ADCY9: variants seen among roughly 807,000 people sequenced by gnomAD.
ADCY9 encodes adenylate cyclase type 9.
A neutral mutation model predicts 101.5 loss-of-function variants in ADCY9; 50 were observed. The observed-to-expected ratio is 0.49, with a 90% CI of 0.39 to 0.62. The LOEUF is 0.62. ADCY9 is among the 20% of genes least tolerant of loss of function. The probability of loss-of-function intolerance (pLI) is 0.00; values close to 1 mark genes in which losing one functional copy is unlikely to be tolerated. For missense variants in ADCY9, 1,662 were observed against 1,800.4 expected, an observed-to-expected ratio of 0.92 and a Z score of 1.39; for synonymous variants, 905 against 769.3, an observed-to-expected ratio of 1.18 and a Z score of -2.92.
chr16:4,115,716 G>T lies in ADCY9; in HGVS notation c.-70C>A, dbSNP rs1201133191. Reference sequence around the variant, plus strand: ...TAGAACGCCCGGGGGTCCCCGCCGCGTGGCCGCCGTGGCTCCGGGACCGCT... The same window carrying T: ...TAGAACGCCCGGGGGTCCCCGCCGCTTGGCCGCCGTGGCTCCGGGACCGCT... On this transcript the variant is annotated 5_prime_UTR_variant, in exon 1 of 11. Coordinates refer to ENST00000294016, the MANE Select transcript of ADCY9 (RefSeq NM_001116.4). The surrounding 1 kb of genome is among the most constrained non-coding windows in gnomAD (Gnocchi z 6.2). The T allele has an allele frequency of 4.8e-6, 2 of 420,736 alleles. No homozygotes were observed. Among genetic ancestry groups the T allele is most frequent in the Non-Finnish European group, 8.3e-6 (2 of 239,932 alleles). 26.1% of individuals were successfully genotyped at this position (420,736 alleles called of 1,614,324 possible).
chr16:4,064,288 AG>A (rs1409705402), intron 2 of ADCY9, among the ~76,000 whole-genome samples: 3 of 152,238 alleles, frequency 2.0e-5, no homozygotes, highest in Admixed American at 2.0e-4. Context: ...TGAAGGACTC[AG>A]TATTGTTAAG....
chr16:4,014,386 G>C (rs920053622), intron 2 of ADCY9, among the ~76,000 whole-genome samples: 1 of 151,420 alleles, frequency 6.6e-6, no homozygotes, highest in Non-Finnish European at 1.5e-5. Context: ...GGAAGAAAGT[G>C]AAAGAAACAA....
At position 3,992,905 on chromosome 16, in the gene ADCY9, C is replaced by A. The variant is rs2056256960; in HGVS notation, c.1989+501G>T. On this transcript the variant is annotated intron_variant, in intron 4 of 10. Transcript: ENST00000294016. The surrounding 1 kb of genome is among the most constrained non-coding windows in gnomAD (Gnocchi z 4.2). ...CAGATGGAGGACGAGAGCCCGCGCC[C>A]CAGGTGAGTCGCCTGCATGAGCCCC... is the stretch of plus-strand genomic sequence containing the variant. Among the ~76,000 whole-genome samples the A allele has an allele frequency of 6.6e-6, 1 of 152,098 alleles. No homozygotes were observed. Among genetic ancestry groups the A allele is most frequent in the Non-Finnish European group, 1.5e-5 (1 of 68,018 alleles).
chr16:4,071,354 A>T (rs140342805), intron 2 of ADCY9, among the ~76,000 whole-genome samples: 16 of 103,198 alleles, frequency 1.6e-4, no homozygotes, highest in African/African-American at 4.8e-4. Flanking sequence ...AAAAAAAAAA[A>T]AAAAAAAAAA....
intron 2 of ADCY9, among the ~76,000 whole-genome samples, chr16:4,058,620 C>G (rs1394503711): frequency 6.6e-6 from 1 of 152,134 alleles, no homozygotes; most frequent in African/African-American, 2.4e-5. Flanking sequence ...GGGGAAGTGA[C>G]TGATCCACTA....
chr16:4,070,934 G>C (rs1305864690), intron 2 of ADCY9, among the ~76,000 whole-genome samples: 1 of 152,072 alleles, frequency 6.6e-6, no homozygotes, highest in African/African-American at 2.4e-5. Context: ...GCAACAGAGA[G>C]AGTCTCCGTC....
chr16:3,966,157 C>T lies in ADCY9; in HGVS notation c.3680G>A (p.Gly1227Glu). 5 of 1,614,206 alleles carry T rather than the reference C, an allele frequency of 3.1e-6. No homozygotes were observed. The highest frequency in any genetic ancestry group is 4.2e-6 in the Non-Finnish European group (5 of 1,180,046). ...SKMGYDFDYR[G>E]TVNVKGKGQM... is the part of the protein sequence containing the mutation. ...GCCTTTCCCCTTGACATTCACGGTC[C>T]CTCTGTAGTCGAAGTCATAGCCCAT... The change falls in exon 11 of 11, where the codon GGG becomes GAG. Residue 1227 changes from glycine to glutamate, a missense_variant. By Grantham distance (98) the Gly-to-Glu change is moderately conservative. This residue lies in a region of ADCY9 where 220 missense variants were observed against 312.9 expected (regional missense o/e 0.70). Transcript: ENST00000294016.
intron 2 of ADCY9, among the ~76,000 whole-genome samples, chr16:4,014,606 C>G (rs1403827390): frequency 6.6e-6 from 1 of 151,740 alleles, no homozygotes; most frequent in Non-Finnish European, 1.5e-5. Context: ...TGCCACCATG[C>G]CTGGCTAATT....
intron 2 of ADCY9, among the ~76,000 whole-genome samples, chr16:4,087,542 A>T (rs1451282357): frequency 1.2e-5 from 1 of 82,488 alleles, no homozygotes; most frequent in Non-Finnish European, 2.7e-5. Context: ...TCTCAAAAAG[A>T]TAAAAAAAAA....
intron 2 of ADCY9, among the ~76,000 whole-genome samples, chr16:4,053,829 G>A (rs1186238776): frequency 1.3e-5 from 2 of 152,026 alleles, no homozygotes; most frequent in Admixed American, 6.6e-5. Flanking sequence ...ACTCTTTCTC[G>A]GTAATAAAAC....
chr16:3,957,011 G>A (rs1400460829), intron 5 of ADCY9, among the ~76,000 whole-genome samples: 3 of 152,040 alleles, frequency 2.0e-5, no homozygotes, highest in Non-Finnish European at 2.9e-5. Flanking sequence ...AAAGAGCGAC[G>A]GAGGGAGAAG....
intron 2 of ADCY9, among the ~76,000 whole-genome samples, chr16:4,023,681 G>A (rs1421952696): frequency 6.6e-6 from 1 of 152,204 alleles, no homozygotes; most frequent in African/African-American, 2.4e-5. Flanking sequence ...GGGAGGCCGA[G>A]GTAGGCGGAT....
In ADCY9 at chr16:4,021,327, G is replaced by A. The variant is rs113928229; in HGVS notation, c.1694-13769C>T. ...GCCACGCCGGCAGCAGGTGTTTCAG[G>A]AAAGGTATTACTCCACCATCCCTTG... On this transcript the variant is annotated intron_variant, in intron 2 of 10. Coordinates refer to ENST00000294016, the MANE Select transcript of ADCY9 (RefSeq NM_001116.4). Among the ~76,000 whole-genome samples, 17 of 152,330 alleles carry A rather than the reference G, an allele frequency of 1.1e-4. 3 individuals are homozygous for A. Among genetic ancestry groups the A allele is most frequent in the African/African-American group, 3.8e-4 (16 of 41,574 alleles).
Position 4,083,252 on chromosome 16 carries a change from TAA to T in ADCY9, c.1693+30496_1693+30497del, listed in dbSNP as rs202011700. Among the ~76,000 whole-genome samples the T allele has an allele frequency of 1.5e-4, 23 of 152,324 alleles. No homozygotes were observed. The East Asian group carries it at 2.9e-3, about 19-fold the overall frequency. On this transcript the variant is annotated intron_variant, in intron 2 of 10. Coordinates refer to ENST00000294016, the MANE Select transcript of ADCY9 (RefSeq NM_001116.4). ...ATAACATGCTTATTTTATCAAAACA[TAA>T]AGTCTTTTTTTTAGAAAAATCACCT...
At chr16:4,003,795 C>T (rs982514894) in intron 3 of ADCY9, among the ~76,000 whole-genome samples, 2 of 152,020 alleles carry the variant, frequency 1.3e-5, no homozygotes, top group Admixed American at 6.6e-5. Flanking sequence ...CGCCCCTGCC[C>T]GCCGTGGTCC....
chr16:4,005,179 G>T (rs1373113179), intron 3 of ADCY9, among the ~76,000 whole-genome samples: 1 of 152,150 alleles, frequency 6.6e-6, no homozygotes, highest in South Asian at 2.1e-4. Flanking sequence ...AACCCTTTCT[G>T]TGTTGAATAT....
At chr16:4,004,937 A>C (rs572229684) in intron 3 of ADCY9, among the ~76,000 whole-genome samples, 116 of 152,282 alleles carry the variant, frequency 7.6e-4, no homozygotes, top group African/African-American at 2.5e-3. Flanking sequence ...CCTTCAGGGA[A>C]CGTTTCCTGA....
At chr16:4,055,970 G>T (rs1055849894) in intron 2 of ADCY9, among the ~76,000 whole-genome samples, 1 of 152,176 alleles carries the variant, frequency 6.6e-6, no homozygotes, top group Admixed American at 6.5e-5. Context: ...GCAACGACTG[G>T]GTGACTGCGC....
chr16:3,980,630 G>T (rs1364028969), intron 7 of ADCY9, among the ~76,000 whole-genome samples: 1 of 152,232 alleles, frequency 6.6e-6, no homozygotes, highest in Non-Finnish European at 1.5e-5. Flanking sequence ...CCAGGCGAGG[G>T]AACGCTCACT....
Sources: allele counts gnomAD v4.1 joint callset (sites outside exome capture counted in the v4.1 genomes callset), GRCh38; gene constraint gnomAD v4.1.1; regional missense constraint gnomAD v4.1.1; non-coding constraint Gnocchi (gnomAD v3.1); transcripts MANE v1.5; gene names NCBI Gene and HGNC (gene_info 2026-07-23, HGNC 2026-07-21).